Variants in SNX13 observed in about 807,000 individuals in gnomAD.
The protein encoded by SNX13 is sorting nexin 13, also known as sorting nexin-13.
In SNX13, 45 loss-of-function variants were observed where a neutral mutation model predicts 133.6. That is an observed-to-expected ratio of 0.34 (90% CI 0.27 to 0.43). The LOEUF (loss-of-function observed/expected upper bound fraction) is 0.43, where lower values mean the gene tolerates loss of function less well. Ranked by LOEUF, SNX13 falls within the 20% of genes least tolerant of loss-of-function variation. The pLI is 1.00. For missense variants in SNX13, 1,032 were observed against 1,145.1 expected, an observed-to-expected ratio of 0.90 and a Z score of 1.43; for synonymous variants, 414 against 373.9, an observed-to-expected ratio of 1.11 and a Z score of -1.24.
intron 21 of SNX13, among the ~76,000 whole-genome samples, 191 bp downstream of exon 21, chr7:17,803,228 G>C (rs1027524229): frequency 2.6e-5 from 4 of 152,132 alleles, no homozygotes; most frequent in Non-Finnish European, 4.4e-5. Context: ...TAACAAGCAA[G>C]TGGATTTTAC....
chr7:17,882,873 TC>T, intron 5 of SNX13: 1 of 1,283,264 alleles, frequency 7.8e-7, no homozygotes, highest in Non-Finnish European at 1.0e-6. Context: ...AAAACAGGGT[TC>T]CAGGAAGCGG....
intron 1 of SNX13, among the ~76,000 whole-genome samples, chr7:17,935,764 C>T (rs1038443199): frequency 6.6e-6 from 1 of 152,108 alleles, no homozygotes; most frequent in African/African-American, 2.4e-5. Flanking sequence ...TTATAAAATC[C>T]CTTTCCTACC....
chr7:17,871,587 C>T (rs991797451), intron 8 of SNX13, among the ~76,000 whole-genome samples: 1 of 152,186 alleles, frequency 6.6e-6, no homozygotes, highest in Non-Finnish European at 1.5e-5. Flanking sequence ...TGTGTCTGAA[C>T]ATCCCATCCT....
At chr7:17,861,342 T>TCACACACACA (rs59119505) in intron 9 of SNX13, among the ~76,000 whole-genome samples, 6 of 143,120 alleles carry the variant, frequency 4.2e-5, no homozygotes, top group African/African-American at 1.3e-4. Context: ...TACAGTTATC[T>TCACACACACA]CACACACACA....
intron 18 of SNX13, among the ~76,000 whole-genome samples, chr7:17,820,129 A>G (rs1787123836): frequency 6.6e-6 from 1 of 152,196 alleles, no homozygotes; most frequent in Non-Finnish European, 1.5e-5. Flanking sequence ...GTTCTAGTCT[A>G]GAACATTTAA....
rs555583903 is a variant in SNX13, at chr7:17,925,209, G to A, written c.12+15075C>T. Among the ~76,000 whole-genome samples the A allele has an allele frequency of 2.6e-5, 4 of 152,194 alleles. No homozygotes were observed. The South Asian group carries it at 6.2e-4, about 24-fold the overall frequency. On this transcript the variant is annotated intron_variant, in intron 1 of 25. Coordinates refer to ENST00000428135, the MANE Select transcript of SNX13 (RefSeq NM_015132.5). Reference sequence around the variant, plus strand: ...AGCCTGAGTGAAAAAGTGAGACTCCGTCTCAAAAAAAATAGGCAAAACCAT... The same window carrying A: ...AGCCTGAGTGAAAAAGTGAGACTCCATCTCAAAAAAAATAGGCAAAACCAT...
At chr7:17,826,944 A>T (rs1056584224) in intron 16 of SNX13, among the ~76,000 whole-genome samples, 3 of 152,098 alleles carry the variant, frequency 2.0e-5, no homozygotes, top group Non-Finnish European at 4.4e-5. Flanking sequence ...ATGGGAACTT[A>T]AATTTAGGGA....
chr7:17,830,914 A>ATTGCC (rs1788414643), intron 15 of SNX13: 1 of 984,254 alleles, frequency 1.0e-6, no homozygotes, highest in African/African-American at 1.7e-5. Context: ...GGCAGCTGAT[A>ATTGCC]TTGCCTTCCA....
chr7:17,826,332 T>C (rs1003207360), intron 16 of SNX13, among the ~76,000 whole-genome samples: 10 of 151,966 alleles, frequency 6.6e-5, no homozygotes, highest in Non-Finnish European at 1.2e-4. Context: ...TATTAGATTA[T>C]TTCTCCCTTA....
chr7:17,794,600 C>T (rs1324654837), intron 25 of SNX13: 5 of 218,520 alleles, frequency 2.3e-5, no homozygotes, highest in Non-Finnish European at 4.5e-5. Context: ...CCATGTGATA[C>T]TTACCCACCA....
intron 7 of SNX13, 123 bp downstream of exon 7, chr7:17,875,357 T>C: frequency 1.5e-6 from 1 of 657,998 alleles, no homozygotes; most frequent in Non-Finnish European, 2.5e-6. Context: ...ATAAAATGAA[T>C]AGCATCTTTA....
In SNX13 at chr7:17,865,677, C is replaced by T. The variant is rs562713170; in HGVS notation, c.837+2730G>A. Among the ~76,000 whole-genome samples the T allele has an allele frequency of 3.3e-5, 5 of 152,116 alleles. No homozygotes were observed. In the South Asian group the frequency reaches 1.0e-3, roughly 32 times the overall value. ...GGAACCACAAAAGACCCAGAATAGC[C>T]AAAGCAATCCTAAGCAGAAAAGAAC... On this transcript the variant is annotated intron_variant, in intron 9 of 25. Transcript: ENST00000428135.
chr7:17,859,281 GAA>G (rs1451705772), intron 9 of SNX13, among the ~76,000 whole-genome samples: 1 of 151,896 alleles, frequency 6.6e-6, no homozygotes. Context: ...ATGAGCACTT[GAA>G]AAAAGATACA....
At chr7:17,886,285 C>T (rs1034135038) in intron 5 of SNX13, among the ~76,000 whole-genome samples, 14 of 151,970 alleles carry the variant, frequency 9.2e-5, no homozygotes, top group African/African-American at 2.9e-4. Flanking sequence ...TACCTACTTT[C>T]GCTGGGGGGC....
chr7:17,933,266 G>A (rs1310218747), intron 1 of SNX13, among the ~76,000 whole-genome samples: 3 of 151,914 alleles, frequency 2.0e-5, no homozygotes, highest in Non-Finnish European at 4.4e-5. Context: ...TAAGGCGGCC[G>A]GGCCCAGTGG....
At chr7:17,853,435 A>C (rs561296122) in intron 9 of SNX13, among the ~76,000 whole-genome samples, 1 of 152,242 alleles carries the variant, frequency 6.6e-6, no homozygotes, top group Non-Finnish European at 1.5e-5. Flanking sequence ...AAAGTACAAG[A>C]CTATGTAAAA....
At chr7:17,934,206 G>C (rs1046098436) in intron 1 of SNX13, among the ~76,000 whole-genome samples, 1 of 152,050 alleles carries the variant, frequency 6.6e-6, no homozygotes, top group Admixed American at 6.5e-5. Flanking sequence ...TTAAGGCTTT[G>C]TGACACCAAA....
chr7:17,937,431 T>C (rs9942602), intron 1 of SNX13, among the ~76,000 whole-genome samples: 61,224 of 150,238 alleles, frequency 0.41, 14,203 homozygotes, highest in Non-Finnish European at 0.51. Flanking sequence ...CGAGAATAGT[T>C]TGAACCTGGA....
At chr7:17,916,901 G>A (rs1231795436) in intron 1 of SNX13, among the ~76,000 whole-genome samples, 2 of 152,030 alleles carry the variant, frequency 1.3e-5, no homozygotes, top group Non-Finnish European at 2.9e-5. Flanking sequence ...GAACACAGAT[G>A]CAAAAATCCT....
Sources: gnomAD v4.1 joint callset for allele counts (sites outside exome capture counted in the v4.1 genomes callset) on GRCh38, gnomAD v4.1.1 for gene constraint, MANE v1.5 for transcripts, NCBI Gene and HGNC (gene_info 2026-07-23, HGNC 2026-07-21) for gene names.